LARP4: variants seen among roughly 807,000 people sequenced by gnomAD.
The protein encoded by LARP4 is la-related protein 4.
A neutral mutation model predicts 92.9 loss-of-function variants in LARP4; 29 were observed. That is an observed-to-expected ratio of 0.31 (90% CI 0.23 to 0.43). LARP4 has a LOEUF of 0.43. LARP4 is among the 20% of genes least tolerant of loss of function. The pLI, the probability that LARP4 is intolerant of heterozygous loss-of-function variation, is 1.00. For missense variants in LARP4, 732 were observed against 860.0 expected (o/e 0.85, Z 1.86); for synonymous variants, 279 against 284.1 (o/e 0.98, Z 0.18).
intron 12 of LARP4, 55 bp downstream of exon 12, chr12:50,462,685 G>A (rs1955597941): frequency 8.5e-7 from 1 of 1,174,598 alleles, no homozygotes; most frequent in Non-Finnish European, 1.3e-6. Flanking sequence ...ATTTACTATG[G>A]CATTGACTTT....
At chr12:50,422,755 G>A (rs1035329908) in intron 1 of LARP4, among the ~76,000 whole-genome samples, 27 of 148,722 alleles carry the variant, frequency 1.8e-4, no homozygotes, top group East Asian at 5.8e-4. Context: ...AAGGATTTTC[G>A]CCAACTCTAT....
chr12:50,407,545 C>T (rs1262503754), intron 1 of LARP4, among the ~76,000 whole-genome samples: 1 of 152,026 alleles, frequency 6.6e-6, no homozygotes, highest in African/African-American at 2.4e-5. Flanking sequence ...CATTTACTTG[C>T]AGCATTTAAA....
chr12:50,433,269 ATT>A (rs60797979), intron 4 of LARP4, among the ~76,000 whole-genome samples: 69,371 of 117,242 alleles, frequency 0.59, 22,490 homozygotes, highest in Non-Finnish European at 0.78. Flanking sequence ...CAAAAACGTG[ATT>A]TTTTTTTTTT....
chr12:50,401,613 A>G (rs930310986), intron 1 of LARP4, among the ~76,000 whole-genome samples: 2 of 152,198 alleles, frequency 1.3e-5, no homozygotes, highest in African/African-American at 4.8e-5. Flanking sequence ...AGAAGCCAGT[A>G]GGGTTTGGAA....
In LARP4 at chr12:50,420,503, T is replaced by A. The variant is rs373455475; in HGVS notation, c.19-7259T>A. Among the ~76,000 whole-genome samples the A allele has an allele frequency of 6.6e-5, 10 of 152,328 alleles. No individual in the cohort carries two copies. In the East Asian group the frequency reaches 1.9e-3, roughly 29 times the overall value. The stretch of plus-strand genomic sequence containing the variant: ...CAGGGAGTTCAGCAGATCCCAGTTA[T>A]ATCAGATAAAAAACAATTTCACACT... On this transcript the variant is annotated intron_variant, in intron 1 of 15. Transcript: ENST00000398473.
chr12:50,450,055 T>C (rs1328379742), intron 8 of LARP4, among the ~76,000 whole-genome samples: 2 of 145,506 alleles, frequency 1.4e-5, no homozygotes, highest in African/African-American at 5.1e-5. Flanking sequence ...TGCCTCAGCC[T>C]CCCAAGTAGC....
chr12:50,473,107 A>AC (rs1253301110), intron 13 of LARP4, among the ~76,000 whole-genome samples: 11 of 152,206 alleles, frequency 7.2e-5, no homozygotes, highest in Non-Finnish European at 2.9e-5. Flanking sequence ...GGTGTGAGCC[A>AC]CTGCGCCCAG....
At position 50,454,202 on chromosome 12, in the gene LARP4, G is replaced by C. The variant is rs566925805; in HGVS notation, c.1018-112G>C. On this transcript the variant is annotated intron_variant, in intron 9 of 15. Transcript: ENST00000398473. ...GAAATGAATCAGTAAAATATTTTAA[G>C]ATATTTTTGGCTTGTAAAAGATAAA... 1.2e-4 allele frequency: 80 copies of C among 656,836 alleles called. 1 individual carries two copies. The highest frequency in any genetic ancestry group is 7.6e-4 in the Middle Eastern group (3 of 3,934). 40.7% of individuals were successfully genotyped at this position (656,836 alleles called of 1,614,324 possible).
Position 50,453,578 on chromosome 12 carries a change from A to T in LARP4, c.923A>T (p.Gln308Leu). ...QAQYASPVFM[Q>L]PVYNPHQQYS... The stretch of plus-strand genomic sequence containing the variant: ...CAGTATGCCTCCCCAGTCTTTATGC[A>T]GCCTGTATATAATCCTCACCAACAG... Residue 308 changes from glutamine to leucine, a missense_variant, in exon 9 of 16, where the codon CAG becomes CTG. Gln to Leu is a moderately radical substitution (Grantham distance 113). Transcript: ENST00000398473. The T allele has an allele frequency of 6.2e-7, 1 of 1,613,572 alleles. No homozygotes were observed. Among genetic ancestry groups the T allele is most frequent in the Non-Finnish European group, 8.5e-7 (1 of 1,179,554 alleles).
intron 6 of LARP4, among the ~76,000 whole-genome samples, chr12:50,439,410 C>A (rs1012085844): frequency 5.9e-5 from 9 of 151,862 alleles, no homozygotes; most frequent in Middle Eastern, 3.4e-3. Context: ...TTTCCTCAAT[C>A]AATGGTTTTC....
rs762495693 is a variant in LARP4, at chr12:50,462,647, T to C, written c.1383+17T>C. The C allele has an allele frequency of 2.3e-6, 3 of 1,326,110 alleles. No homozygotes were observed. Among genetic ancestry groups the C allele is most frequent in the African/African-American group, 3.1e-5 (2 of 64,154 alleles). 82.1% of individuals were successfully genotyped at this position (1,326,110 alleles called of 1,614,324 possible). ...AGGATCTCAGTAAGTTTTTTAAAACTTTTATTCAGACTTTTTTCTCTTCTG... is the reference window on the plus strand; with the variant it reads ...AGGATCTCAGTAAGTTTTTTAAAACCTTTATTCAGACTTTTTTCTCTTCTG... On this transcript the variant is annotated intron_variant, in intron 12 of 15. Transcript: ENST00000398473.
At chr12:50,428,247 C>G (rs543099600) in intron 2 of LARP4, among the ~76,000 whole-genome samples, 1 of 152,084 alleles carries the variant, frequency 6.6e-6, no homozygotes, top group South Asian at 2.1e-4. Context: ...AGGCTGGTCT[C>G]GAACTCCTGA....
intron 1 of LARP4, among the ~76,000 whole-genome samples, chr12:50,408,448 C>T (rs1019047397): frequency 2.6e-5 from 4 of 151,988 alleles, no homozygotes; most frequent in African/African-American, 9.7e-5. Flanking sequence ...CCGCCCTCCT[C>T]GGCCTCCCAA....
intron 8 of LARP4, among the ~76,000 whole-genome samples, chr12:50,443,854 C>G (rs1384420813): frequency 6.6e-6 from 1 of 152,162 alleles, no homozygotes; most frequent in Non-Finnish European, 1.5e-5. Flanking sequence ...CTCAGGTGAT[C>G]CACCCACCTC....
chr12:50,420,703 G>GATGGTTAAAATGGTTAAAATGTATTTT (rs1947601633), intron 1 of LARP4: 1 of 152,108 alleles, frequency 6.6e-6, no homozygotes, highest in South Asian at 2.1e-4. Context: ...TCTGTATATG[G>GATGGTTAAAATGGTTAAAATGTATTTT]CAAGGATGGT....
At chr12:50,422,577 G>A (rs1180744933) in intron 1 of LARP4, among the ~76,000 whole-genome samples, 6 of 151,888 alleles carry the variant, frequency 4.0e-5, no homozygotes, top group Non-Finnish European at 7.4e-5. Context: ...ATGTGTTAAT[G>A]TGATATCTTT....
At chr12:50,423,505 G>A (rs1044188053) in intron 1 of LARP4, among the ~76,000 whole-genome samples, 1 of 152,040 alleles carries the variant, frequency 6.6e-6, no homozygotes, top group Non-Finnish European at 1.5e-5. Context: ...CTGGAGTGCA[G>A]TGGCGTAATC....
At chr12:50,462,547 AC>A in intron 11 of LARP4, 34 bp from the exon 12 acceptor site, 1 of 665,046 alleles carries the variant, frequency 1.5e-6, no homozygotes. Context: ...TTGTCCCTCC[AC>A]CCCACCCCAC....
intron 4 of LARP4, 74 bp from the exon 5 acceptor site, chr12:50,435,412 GAA>G (rs1950261789): frequency 1.1e-6 from 1 of 874,178 alleles, no homozygotes; most frequent in African/African-American, 1.6e-5. Context: ...TAAAAAGTAG[GAA>G]AAGTGAGTAA....
Sources: allele counts gnomAD v4.1 joint callset (sites outside exome capture counted in the v4.1 genomes callset), GRCh38; gene constraint gnomAD v4.1.1; transcripts MANE v1.5; gene names NCBI Gene and HGNC (gene_info 2026-07-23, HGNC 2026-07-21).